The following ELAVL2 variants were observed in gnomAD, a reference collection of about 807,000 sequenced individuals.
ELAVL2 encodes ELAV-like protein 2.
ELAVL2 carries 4 observed loss-of-function variants against 34.6 expected under a neutral mutation model. The ratio of observed to expected loss-of-function variants is 0.12; its 90% confidence interval spans 0.06 to 0.26. ELAVL2 has a LOEUF of 0.26. Ranked by LOEUF, ELAVL2 falls within the 10% of genes least tolerant of loss-of-function variation. ELAVL2 has a pLI of 1.00. For synonymous variants in ELAVL2, 193 were observed against 154.8 expected, an observed-to-expected ratio of 1.25 and a Z score of -1.83; for missense variants, 432 against 442.8, an observed-to-expected ratio of 0.98 and a Z score of 0.22.
intron 3 of ELAVL2, among the ~76,000 whole-genome samples, chr9:23,715,867 T>G (rs1564033754): frequency 6.6e-6 from 1 of 152,084 alleles, no homozygotes; most frequent in African/African-American, 2.4e-5. Flanking sequence ...AAACAACCAG[T>G]ACCGGTTGGT....
intron 1 of ELAVL2, among the ~76,000 whole-genome samples, chr9:23,765,725 G>C (rs2056092882): frequency 6.6e-6 from 1 of 152,162 alleles, no homozygotes; most frequent in South Asian, 2.1e-4. Context: ...CTAAGAGGCA[G>C]TAAACCAGCA....
the ELAVL2 span, among the ~76,000 whole-genome samples, chr9:23,843,808 T>C: frequency 2.0e-5 from 3 of 151,928 alleles, no homozygotes; most frequent in Non-Finnish European, 4.4e-5. Flanking sequence ...AGAATGAAAA[T>C]GGGGCCTTTG....
chr9:23,758,309 A>T (rs1042811590), intron 2 of ELAVL2, among the ~76,000 whole-genome samples: 1 of 152,134 alleles, frequency 6.6e-6, no homozygotes, highest in Admixed American at 6.6e-5. Context: ...TTTTCAAAGT[A>T]CAACCACTCA....
At chr9:23,707,416 G>A (rs1278510552) in intron 3 of ELAVL2, among the ~76,000 whole-genome samples, 1 of 152,122 alleles carries the variant, frequency 6.6e-6, no homozygotes, top group Non-Finnish European at 1.5e-5. Context: ...CACCCAACAA[G>A]TCAGCTGTTA....
chr9:23,702,951 C>CAAACAAAA (rs2037828546), intron 4 of ELAVL2, among the ~76,000 whole-genome samples: 1 of 47,626 alleles, frequency 2.1e-5, no homozygotes, highest in Admixed American at 4.5e-4. Context: ...ATCAGATTAG[C>CAAACAAAA]AAAAAAAAAA....
intron 1 of ELAVL2, among the ~76,000 whole-genome samples, chr9:23,775,889 G>A (rs1358317082): frequency 6.6e-6 from 1 of 152,150 alleles, no homozygotes; most frequent in Non-Finnish European, 1.5e-5. Context: ...CAAACCTCGA[G>A]GAAGCCTTCT....
At chr9:23,791,040 T>G (rs936400785) in intron 1 of ELAVL2, among the ~76,000 whole-genome samples, 1 of 152,202 alleles carries the variant, frequency 6.6e-6, no homozygotes, top group African/African-American at 2.4e-5. Flanking sequence ...TCTGTTTAAG[T>G]GGCTTTTAAA....
At chr9:23,700,828 G>A (rs2036937817) in intron 5 of ELAVL2, among the ~76,000 whole-genome samples, 1 of 151,404 alleles carries the variant, frequency 6.6e-6, no homozygotes, top group Admixed American at 6.6e-5. Flanking sequence ...ATAAAGTGAA[G>A]TAACAGAAAC....
chr9:23,775,574 T>C (rs1234728145), intron 1 of ELAVL2, among the ~76,000 whole-genome samples: 1 of 152,126 alleles, frequency 6.6e-6, no homozygotes, highest in Admixed American at 6.6e-5. Flanking sequence ...TCCACGGCTG[T>C]GGGGATCTAA....
At chr9:23,724,134 A>G (rs2044468897) in intron 3 of ELAVL2, among the ~76,000 whole-genome samples, 1 of 152,194 alleles carries the variant, frequency 6.6e-6, no homozygotes, top group African/African-American at 2.4e-5. Context: ...CCTGTGGAGC[A>G]TGCTTAGGTA....
intron 5 of ELAVL2, among the ~76,000 whole-genome samples, chr9:23,697,423 C>A (rs1358408383): frequency 1.3e-5 from 2 of 152,154 alleles, no homozygotes; most frequent in East Asian, 3.9e-4. Flanking sequence ...ATATTAGGTA[C>A]ATGGAAAATG....
At chr9:23,738,826 G>C (rs1404284527) in intron 2 of ELAVL2, among the ~76,000 whole-genome samples, 1 of 152,088 alleles carries the variant, frequency 6.6e-6, no homozygotes, top group Non-Finnish European at 1.5e-5. Context: ...CTCAGCACCA[G>C]GGCATTTTCC....
intron 3 of ELAVL2, among the ~76,000 whole-genome samples, chr9:23,719,456 C>T (rs964841781): frequency 6.6e-6 from 1 of 152,180 alleles, no homozygotes; most frequent in Non-Finnish European, 1.5e-5. Flanking sequence ...TCCCCTCAGA[C>T]ATTGCTTAAT....
rs185384120 is a variant in ELAVL2 at position 23,735,611 on chromosome 9, T to A, written c.230-4486A>T. The stretch of plus-strand genomic sequence containing the variant: ...TTGATTTTAATGGCCTTGGTAGGGA[T>A]TCTAGAACTTTTGCTATATTCTGTG... On this transcript the variant is annotated intron_variant, in intron 2 of 6. Transcript: ENST00000397312. 3.3e-5 allele frequency: 5 copies of A among 152,316 alleles called. No individual in the cohort carries two copies. In the East Asian group the frequency reaches 9.6e-4, roughly 29 times the overall value. The allele number at this position is 152,316 out of a possible 1,614,324, so 9.4% of individuals were successfully genotyped here.
intron 3 of ELAVL2, among the ~76,000 whole-genome samples, chr9:23,714,941 A>C (rs2041919316): frequency 6.6e-6 from 1 of 152,228 alleles, no homozygotes; most frequent in South Asian, 2.1e-4. Flanking sequence ...GTCAGTACTC[A>C]GTATTTTGAG....
intron 2 of ELAVL2, among the ~76,000 whole-genome samples, chr9:23,744,233 T>C (rs555606343): frequency 9.2e-5 from 14 of 152,330 alleles, no homozygotes; most frequent in African/African-American, 3.4e-4. Context: ...TAGATTCTGA[T>C]GTGCGTGTTA....
intron 2 of ELAVL2, among the ~76,000 whole-genome samples, chr9:23,746,875 A>G (rs2050632907): frequency 6.6e-6 from 1 of 152,116 alleles, no homozygotes; most frequent in African/African-American, 2.4e-5. Context: ...ACTGCATCCA[A>G]TATTAATCAT....
intron 2 of ELAVL2, among the ~76,000 whole-genome samples, chr9:23,750,435 G>A (rs566430006): frequency 6.6e-6 from 1 of 152,088 alleles, no homozygotes; most frequent in African/African-American, 2.4e-5. Context: ...AAATAATAAA[G>A]AATATAAAGG....
chr9:23,702,083 C>A (rs1370423006), intron 4 of ELAVL2, among the ~76,000 whole-genome samples: 1 of 152,084 alleles, frequency 6.6e-6, no homozygotes, highest in African/African-American at 2.4e-5. Flanking sequence ...AAAATACATA[C>A]ACTGTGGTAG....
Sources: gnomAD v4.1 joint callset for allele counts (sites outside exome capture counted in the v4.1 genomes callset) on GRCh38, gnomAD v4.1.1 for gene constraint, MANE v1.5 for transcripts, NCBI Gene and HGNC (gene_info 2026-07-23, HGNC 2026-07-21) for gene names.